Variants in EZH2 observed in about 807,000 individuals in gnomAD.
EZH2 encodes enhancer of zeste 2 polycomb repressive complex 2 subunit.
EZH2 carries 18 observed loss-of-function variants against 98.4 expected under a neutral mutation model. The ratio of observed to expected loss-of-function variants is 0.18; its 90% CI spans 0.13 to 0.27. EZH2 has a LOEUF of 0.27. EZH2 is among the 10% of genes least tolerant of loss of function. EZH2 has a pLI of 1.00. For missense variants in EZH2, 470 were observed against 935.1 expected, an observed-to-expected ratio of 0.50 and a Z score of 6.49; for synonymous variants, 338 against 312.3, an observed-to-expected ratio of 1.08 and a Z score of -0.87.
intron 1 of EZH2, among the ~76,000 whole-genome samples, chr7:148,847,620 A>G (rs1179381557): frequency 6.6e-6 from 1 of 152,252 alleles, no homozygotes; most frequent in Non-Finnish European, 1.5e-5. Context: ...CAACTCTATG[A>G]GATCCACATT....
At chr7:148,828,981 T>C (rs760002305) in intron 5 of EZH2, 101 bp from the exon 6 acceptor site, 17 of 1,152,256 alleles carry the variant, frequency 1.5e-5, no homozygotes, top group Non-Finnish European at 2.0e-5. Context: ...GCCTAGTAAC[T>C]GGCACTAAAA....
chr7:148,866,686 A>G (rs7778942), intron 1 of EZH2, among the ~76,000 whole-genome samples: 61 of 143,676 alleles, frequency 4.2e-4, no homozygotes, highest in Admixed American at 4.0e-3. Context: ...ACGTATATGC[A>G]TATATATATA....
At chr7:148,817,741 C>T (rs1237595668) in intron 10 of EZH2, 136 bp downstream of exon 10, 2 of 1,216,340 alleles carry the variant, frequency 1.6e-6, no homozygotes, top group African/African-American at 3.0e-5. Flanking sequence ...AACACAGCTA[C>T]ACATTCTTGA....
chr7:148,830,641 A>G (rs1809113352), intron 4 of EZH2, among the ~76,000 whole-genome samples: 2 of 152,258 alleles, frequency 1.3e-5, no homozygotes, highest in Non-Finnish European at 2.9e-5. Context: ...TTCAATATTT[A>G]GATGAATGAG....
chr7:148,832,516 T>C (rs1250626651), intron 4 of EZH2, 118 bp downstream of exon 4: 33 of 623,710 alleles, frequency 5.3e-5, no homozygotes, highest in Admixed American at 3.2e-4. Flanking sequence ...TCAAGTGTTA[T>C]TTTGATAGCT....
chr7:148,815,571 A>C (rs1473625646), intron 12 of EZH2, 25 bp from the exon 13 acceptor site: 1 of 1,611,448 alleles, frequency 6.2e-7, no homozygotes, highest in African/African-American at 1.3e-5. Flanking sequence ...AGAAAATTAA[A>C]CCAAATTTCT....
chr7:148,830,770 T>G (rs560647220), intron 4 of EZH2, among the ~76,000 whole-genome samples: 1 of 152,152 alleles, frequency 6.6e-6, no homozygotes, highest in Non-Finnish European at 1.5e-5. Context: ...CAGAATAGAA[T>G]AGTTAAGCAT....
intron 1 of EZH2, among the ~76,000 whole-genome samples, chr7:148,866,916 G>T (rs1312361062): frequency 6.7e-6 from 1 of 149,878 alleles, no homozygotes; most frequent in Non-Finnish European, 1.5e-5. Flanking sequence ...GTTTCACCAT[G>T]TTGGCCAGGC....
intron 1 of EZH2, among the ~76,000 whole-genome samples, chr7:148,879,701 T>G (rs1174870226): frequency 6.6e-6 from 1 of 151,450 alleles, no homozygotes; most frequent in African/African-American, 2.4e-5. Flanking sequence ...AAAAAATAAA[T>G]AATAAATAAT....
At chr7:148,866,052 TAAG>T (rs1419573190) in intron 1 of EZH2, among the ~76,000 whole-genome samples, 2 of 152,174 alleles carry the variant, frequency 1.3e-5, no homozygotes, top group African/African-American at 4.8e-5. Context: ...ATGATCTTGC[TAAG>T]AACAGTAGTA....
chr7:148,808,544 C>T (rs1392176097), intron 19 of EZH2, among the ~76,000 whole-genome samples: 9 of 152,216 alleles, frequency 5.9e-5, no homozygotes, highest in African/African-American at 2.2e-4. Flanking sequence ...ACACAGATAC[C>T]ATTGGTGGCC....
chr7:148,882,736 C>A (rs1042292490), intron 1 of EZH2, among the ~76,000 whole-genome samples: 4 of 152,112 alleles, frequency 2.6e-5, no homozygotes, highest in Non-Finnish European at 5.9e-5. Context: ...CAAAACGCCA[C>A]AAAATTAAAC....
chr7:148,842,867 A>G (rs1263537837), intron 3 of EZH2, among the ~76,000 whole-genome samples: 1 of 152,036 alleles, frequency 6.6e-6, no homozygotes, highest in Non-Finnish European at 1.5e-5. Flanking sequence ...GGAGTTCGAG[A>G]CCAGCCTGGA....
At chr7:148,811,073 CTT>C (rs1802935767) in intron 16 of EZH2, among the ~76,000 whole-genome samples, 1 of 152,140 alleles carries the variant, frequency 6.6e-6, no homozygotes, top group Non-Finnish European at 1.5e-5. Flanking sequence ...TGGTAAAGCT[CTT>C]GTTCTCCCTG....
intron 4 of EZH2, among the ~76,000 whole-genome samples, 183 bp from the exon 5 acceptor site, chr7:148,830,031 T>C (rs1808897731): frequency 6.6e-6 from 1 of 152,100 alleles, no homozygotes; most frequent in Non-Finnish European, 1.5e-5. Flanking sequence ...CCAATAAGCA[T>C]ATCTGAGAAA....
chr7:148,840,147 T>G (rs923660100), intron 3 of EZH2, among the ~76,000 whole-genome samples: 1 of 152,232 alleles, frequency 6.6e-6, no homozygotes, highest in African/African-American at 2.4e-5. Flanking sequence ...ATCTGCTAAA[T>G]TTTTAAACAT....
rs1426467118 is a variant in EZH2, at chr7:148,812,483, C to G, written c.1852-763G>C. On this transcript the variant is annotated intron_variant, in intron 15 of 19. Coordinates refer to ENST00000320356, the MANE Select transcript of EZH2 (RefSeq NM_004456.5). ...CCTATCTATTCCTATTCTGGACCAT[C>G]TTACCACTCACCTGTCATGTGAACT... 2.0e-5 allele frequency among the ~76,000 whole-genome samples: 3 copies of G among 152,196 alleles called. No homozygotes were observed. The South Asian group carries it at 6.2e-4, about 31-fold the overall frequency.
chr7:148,818,936 T>G, intron 9 of EZH2: 1 of 425,726 alleles, frequency 2.3e-6, no homozygotes, highest in South Asian at 1.7e-5. Flanking sequence ...AACAGTTTTA[T>G]ACTTCATTCT....
Position 148,879,041 on chromosome 7 carries a change from G to A in EZH2, c.-8+5123C>T, listed in dbSNP as rs139025987. Among the ~76,000 whole-genome samples the A allele has an allele frequency of 2.5e-4, 37 of 149,124 alleles. No homozygotes were observed. The East Asian group carries it at 5.9e-3, about 24-fold the overall frequency. On this transcript the variant is annotated intron_variant, in intron 1 of 19. Coordinates refer to ENST00000320356, the MANE Select transcript of EZH2 (RefSeq NM_004456.5). ...GCAGTTCGAGACTAGCTTGGCCAACGTGGTGAAACCCCATCTCAACTAAAA... is the reference window on the plus strand; with the variant it reads ...GCAGTTCGAGACTAGCTTGGCCAACATGGTGAAACCCCATCTCAACTAAAA...
Sources: allele counts gnomAD v4.1 joint callset (sites outside exome capture counted in the v4.1 genomes callset), GRCh38; gene constraint gnomAD v4.1.1; transcripts MANE v1.5; gene names NCBI Gene and HGNC (gene_info 2026-07-23, HGNC 2026-07-21).